Variants in LUZP2 observed in about 807,000 individuals in gnomAD.
LUZP2 encodes leucine zipper protein 2.
LUZP2 carries 52 observed loss-of-function variants against 51.6 expected under a neutral mutation model. The ratio of observed to expected loss-of-function variants is 1.01; its 90% CI spans 0.81 to 1.27. LUZP2 has a LOEUF of 1.27. LUZP2 is among the 50% of genes most tolerant of loss of function. The pLI is 0.00. For synonymous variants in LUZP2, 154 were observed against 137.3 expected (o/e 1.12, Z -0.85); for missense variants, 436 against 395.4 (o/e 1.10, Z -0.87).
chr11:24,922,949 T>A (rs552692612), intron 7 of LUZP2, among the ~76,000 whole-genome samples: 1 of 146,650 alleles, frequency 6.8e-6, no homozygotes, highest in Non-Finnish European at 1.5e-5. Flanking sequence ...CCCGGGTTCA[T>A]GCCATTCTCC....
chr11:24,704,616 A>ATC (rs1478481185), intron 1 of LUZP2, among the ~76,000 whole-genome samples: 3 of 151,980 alleles, frequency 2.0e-5, no homozygotes, highest in African/African-American at 7.2e-5. Context: ...GAATATATAT[A>ATC]TATATATATG....
chr11:24,775,887 G>A (rs1401041082), intron 5 of LUZP2, among the ~76,000 whole-genome samples: 1 of 152,102 alleles, frequency 6.6e-6, no homozygotes, highest in African/African-American at 2.4e-5. Context: ...TAGTACAAGA[G>A]AAAACTATGC....
intron 1 of LUZP2, among the ~76,000 whole-genome samples, chr11:24,527,537 T>C (rs1057320051): frequency 6.8e-6 from 1 of 147,596 alleles, no homozygotes; most frequent in Admixed American, 7.0e-5. Flanking sequence ...CCTTTTAGTA[T>C]TGTTAAATAA....
At chr11:24,941,226 T>C (rs1404867313) in intron 7 of LUZP2, among the ~76,000 whole-genome samples, 1 of 152,182 alleles carries the variant, frequency 6.6e-6, no homozygotes, top group African/African-American at 2.4e-5. Context: ...CTTTAACTCA[T>C]ATCATAGTTA....
chr11:24,662,674 AGAT>A (rs1390682029), intron 1 of LUZP2, among the ~76,000 whole-genome samples: 3 of 152,122 alleles, frequency 2.0e-5, no homozygotes, highest in African/African-American at 7.2e-5. Flanking sequence ...CAGCTAAGCA[AGAT>A]GATGATTATG....
intron 7 of LUZP2, among the ~76,000 whole-genome samples, chr11:24,946,142 C>T (rs1854893454): frequency 1.3e-5 from 2 of 152,112 alleles, no homozygotes; most frequent in African/African-American, 2.4e-5. Context: ...TATATTCATA[C>T]TTCATTTTGT....
chr11:24,557,509 G>A (rs1851908559), intron 1 of LUZP2, among the ~76,000 whole-genome samples: 1 of 152,112 alleles, frequency 6.6e-6, no homozygotes, highest in South Asian at 2.1e-4. Context: ...AGGCATAAAT[G>A]AGTGGACAAA....
At chr11:24,996,302 C>T (rs1856495987) in intron 9 of LUZP2, among the ~76,000 whole-genome samples, 1 of 150,842 alleles carries the variant, frequency 6.6e-6, no homozygotes, top group African/African-American at 2.4e-5. Flanking sequence ...TTCATATTTC[C>T]TCTATCTTTC....
intron 9 of LUZP2, among the ~76,000 whole-genome samples, chr11:24,992,510 G>T (rs765541329): frequency 1.3e-5 from 2 of 152,002 alleles, no homozygotes; most frequent in African/African-American, 2.4e-5. Context: ...ATGAAAATAG[G>T]CAACTAAGTT....
chr11:24,660,762 T>C (rs1464850530), intron 1 of LUZP2, among the ~76,000 whole-genome samples: 3 of 152,174 alleles, frequency 2.0e-5, no homozygotes, highest in Non-Finnish European at 4.4e-5. Flanking sequence ...ACCTGCTGGA[T>C]GCAATAGTGA....
At chr11:25,004,812 A>T (rs1042876837) in intron 9 of LUZP2, among the ~76,000 whole-genome samples, 1 of 152,130 alleles carries the variant, frequency 6.6e-6, no homozygotes, top group African/African-American at 2.4e-5. Flanking sequence ...CATACTGGGG[A>T]TGGTATGCTA....
At chr11:24,595,286 T>C (rs748075390) in intron 1 of LUZP2, among the ~76,000 whole-genome samples, 8 of 152,010 alleles carry the variant, frequency 5.3e-5, no homozygotes, top group Non-Finnish European at 8.8e-5. Context: ...CAACATTAAG[T>C]ATATTTTACA....
At chr11:24,970,532 T>C (rs781346094) in intron 7 of LUZP2, among the ~76,000 whole-genome samples, 18 of 152,162 alleles carry the variant, frequency 1.2e-4, no homozygotes, top group Non-Finnish European at 1.5e-4. Flanking sequence ...TTCAGAATCA[T>C]TGAATTACAA....
intron 1 of LUZP2, among the ~76,000 whole-genome samples, chr11:24,718,350 A>G (rs1478358047): frequency 2.0e-5 from 3 of 152,168 alleles, no homozygotes; most frequent in East Asian, 1.9e-4. Flanking sequence ...AAGCTCGACC[A>G]CTCTGGTCAA....
At position 25,065,550 on chromosome 11, in the gene LUZP2, A is replaced by T. The variant is rs527481868; in HGVS notation, c.859-11779A>T. ...AAAGCTAGTAGATTTAAGAATTTAA[A>T]CATTGACTAAACATAGATTCCGTCA... On this transcript the variant is annotated intron_variant, in intron 10 of 11. Transcript: ENST00000336930. Among the ~76,000 whole-genome samples, 87 of 152,156 alleles carry T rather than the reference A, an allele frequency of 5.7e-4. 2 individuals are homozygous for T. The highest frequency in any genetic ancestry group is 3.4e-3 in the Middle Eastern group (1 of 294).
chr11:24,983,038 A>T, intron 8 of LUZP2, 88 bp from the exon 9 acceptor site: 1 of 1,246,998 alleles, frequency 8.0e-7, no homozygotes, highest in Non-Finnish European at 1.1e-6. Context: ...TTTTGTGGGG[A>T]GTATAGGCTA....
At chr11:25,044,717 C>CT (rs1036831557) in intron 9 of LUZP2, among the ~76,000 whole-genome samples, 1 of 42,180 alleles carries the variant, frequency 2.4e-5, no homozygotes, top group East Asian at 3.0e-4. Context: ...TGGGTATATA[C>CT]CAAAGGATTA....
chr11:24,917,119 G>A (rs1024206314), intron 7 of LUZP2, among the ~76,000 whole-genome samples: 5 of 152,182 alleles, frequency 3.3e-5, no homozygotes, highest in Non-Finnish European at 7.3e-5. Context: ...TCTGTTGGCT[G>A]TGTAAGTGAC....
intron 9 of LUZP2, among the ~76,000 whole-genome samples, chr11:25,034,240 A>G (rs1367224257): frequency 3.3e-5 from 5 of 151,974 alleles, no homozygotes; most frequent in Non-Finnish European, 7.4e-5. Context: ...TGAAAAGTGT[A>G]TGTTCATGTC....
Sources: gnomAD v4.1 joint callset for allele counts (sites outside exome capture counted in the v4.1 genomes callset) on GRCh38, gnomAD v4.1.1 for gene constraint, MANE v1.5 for transcripts, NCBI Gene and HGNC (gene_info 2026-07-23, HGNC 2026-07-21) for gene names.